Variants in PLXNA2 observed in about 807,000 individuals in gnomAD.
PLXNA2 encodes the protein plexin-A2.
In PLXNA2, 91 loss-of-function variants were observed where a neutral mutation model predicts 193.5. The observed-to-expected ratio is 0.47, with a 90% confidence interval of 0.40 to 0.56. The LOEUF (loss-of-function observed/expected upper bound fraction) is 0.56. PLXNA2 is among the 20% of genes least tolerant of loss of function. The probability of loss-of-function intolerance (pLI) is 0.00; values close to 1 mark genes in which losing one functional copy is unlikely to be tolerated. For synonymous variants in PLXNA2, 997 were observed against 1,027.3 expected (o/e 0.97, Z 0.56); for missense variants, 1,995 against 2,503.2 (o/e 0.80, Z 4.33).
Position 208,192,049 on chromosome 1 carries a change from A to C in PLXNA2, c.1371+18231T>G, listed in dbSNP as rs555679497. On this transcript the variant is annotated intron_variant, in intron 3 of 31. Coordinates refer to ENST00000367033, the MANE Select transcript of PLXNA2 (RefSeq NM_025179.4). ...GATGGGACTCCTACCTTCTGGCCTG[A>C]TTTGGTTCTCTCAATATTGATTTGG... Among the ~76,000 whole-genome samples, 18 of 152,138 alleles carry C rather than the reference A, an allele frequency of 1.2e-4. No homozygotes were observed. In the East Asian group the frequency reaches 3.5e-3, roughly 29 times the overall value.
intron 3 of PLXNA2, among the ~76,000 whole-genome samples, chr1:208,179,535 G>C (rs1669771183): frequency 6.6e-6 from 1 of 152,058 alleles, no homozygotes; most frequent in South Asian, 2.1e-4. Flanking sequence ...TCCCCCACCA[G>C]ACCAACCCTT....
chr1:208,089,961 G>A (rs146224553), intron 9 of PLXNA2, among the ~76,000 whole-genome samples: 1 of 152,270 alleles, frequency 6.6e-6, no homozygotes, highest in African/African-American at 2.4e-5. Flanking sequence ...AATTTTCAGG[G>A]ATGGGGTTCT....
At chr1:208,046,832 GTGTGTGTGTGTA>G (rs1157700770) in intron 17 of PLXNA2, among the ~76,000 whole-genome samples, 3 of 140,466 alleles carry the variant, frequency 2.1e-5, no homozygotes, top group African/African-American at 5.2e-5. Flanking sequence ...GTGTGTGTGT[GTGTGTGTGTGTA>G]GAGTGTGGAG....
At chr1:208,063,365 G>A (rs914516432) in intron 12 of PLXNA2, among the ~76,000 whole-genome samples, 1 of 152,232 alleles carries the variant, frequency 6.6e-6, no homozygotes, top group Non-Finnish European at 1.5e-5. Context: ...CAGACACATG[G>A]TCGTGGGCAC....
At chr1:208,156,093 GA>G (rs1244282401) in intron 3 of PLXNA2, among the ~76,000 whole-genome samples, 1 of 74,356 alleles carries the variant, frequency 1.3e-5, no homozygotes, top group African/African-American at 4.5e-5. Flanking sequence ...CCTAAGTGGG[GA>G]AAGCAGGGTG....
At chr1:208,032,869 A>T (rs537050673) in intron 28 of PLXNA2, among the ~76,000 whole-genome samples, 26 of 152,288 alleles carry the variant, frequency 1.7e-4, no homozygotes, top group African/African-American at 6.0e-4. Context: ...CCTAAAGCTT[A>T]AGGGGTCCAG....
chr1:208,152,942 T>A (rs764829259), intron 3 of PLXNA2, among the ~76,000 whole-genome samples: 6 of 151,964 alleles, frequency 3.9e-5, no homozygotes, highest in Non-Finnish European at 7.4e-5. Flanking sequence ...CAATCTTTCC[T>A]TGGAACTCCC....
intron 3 of PLXNA2, among the ~76,000 whole-genome samples, chr1:208,196,218 G>T (rs541574689): frequency 6.6e-6 from 1 of 152,156 alleles, no homozygotes; most frequent in South Asian, 2.1e-4. Flanking sequence ...CACCCAACAG[G>T]AATCCCATCC....
In PLXNA2 at chr1:208,194,332, G is replaced by A. The variant is rs368630010; in HGVS notation, c.1371+15948C>T. Among the ~76,000 whole-genome samples the A allele has an allele frequency of 3.9e-5, 6 of 152,062 alleles. No individual in the cohort carries two copies. The East Asian group carries it at 7.7e-4, about 20-fold the overall frequency. On this transcript the variant is annotated intron_variant, in intron 3 of 31. Transcript: ENST00000367033. ...TGAACAATCACTACCTAGAGTCACC[G>A]GAGTGCTCCATGCAGCCCACCCGAT...
chr1:208,165,976 T>C (rs1431072767), intron 3 of PLXNA2, among the ~76,000 whole-genome samples: 1 of 152,144 alleles, frequency 6.6e-6, no homozygotes, highest in Non-Finnish European at 1.5e-5. Flanking sequence ...GGCTCTTTCT[T>C]CCATACCGAT....
At chr1:208,035,636 G>A (rs1242163166) in intron 26 of PLXNA2, among the ~76,000 whole-genome samples, 1 of 152,066 alleles carries the variant, frequency 6.6e-6, no homozygotes, top group Non-Finnish European at 1.5e-5. Flanking sequence ...AACCCCTAAC[G>A]CAGAGGGAAT....
intron 4 of PLXNA2, among the ~76,000 whole-genome samples, chr1:208,109,888 G>T (rs1667407669): frequency 6.6e-6 from 1 of 152,254 alleles, no homozygotes; most frequent in Non-Finnish European, 1.5e-5. Flanking sequence ...GCACCCTACA[G>T]CTCCTAGTAC....
chr1:208,110,593 T>C (rs1243810795), intron 4 of PLXNA2, among the ~76,000 whole-genome samples: 2 of 152,252 alleles, frequency 1.3e-5, no homozygotes, highest in African/African-American at 4.8e-5. Context: ...TTACCTCATT[T>C]AATCCTTACA....
chr1:208,183,523 G>A (rs779725524), intron 3 of PLXNA2, among the ~76,000 whole-genome samples: 4 of 149,912 alleles, frequency 2.7e-5, no homozygotes, highest in Admixed American at 6.7e-5. Context: ...CCAGATGTCC[G>A]CAGTTGCAGC....
intron 1 of PLXNA2, among the ~76,000 whole-genome samples, chr1:208,238,740 A>T (rs189598438): frequency 2.6e-5 from 4 of 152,346 alleles, no homozygotes; most frequent in Non-Finnish European, 5.9e-5. Context: ...TTTAAAAAAA[A>T]GTCTCCTCAG....
At chr1:208,196,948 G>T (rs1458342651) in intron 3 of PLXNA2, among the ~76,000 whole-genome samples, 1 of 152,148 alleles carries the variant, frequency 6.6e-6, no homozygotes, top group Non-Finnish European at 1.5e-5. Context: ...ATCTTATTAG[G>T]TGTACTAGAC....
chr1:208,146,258 CTA>C (rs1668597470), intron 3 of PLXNA2, among the ~76,000 whole-genome samples: 1 of 152,210 alleles, frequency 6.6e-6, no homozygotes. Context: ...TGATTTCTGC[CTA>C]ATGGCACACT....
intron 11 of PLXNA2, 83 bp from the exon 12 acceptor site, chr1:208,079,533 G>T: frequency 2.0e-6 from 2 of 1,023,950 alleles, no homozygotes; most frequent in South Asian, 1.6e-5. Flanking sequence ...TGATAGAAAT[G>T]ATAGAAACTC....
rs1394920852 is a variant in PLXNA2 at position 208,082,551 on chromosome 1, T to C, written c.2299-43A>G. 1 of 1,413,054 alleles carries C rather than the reference T, an allele frequency of 7.1e-7. No homozygotes were observed. Among genetic ancestry groups the C allele is most frequent in the South Asian group, 1.2e-5 (1 of 86,280 alleles). 87.5% of individuals were successfully genotyped at this position (1,413,054 alleles called of 1,614,324 possible). A position where few individuals can be genotyped will look rare whatever the true frequency, so the allele number is the denominator to read the frequency against. On this transcript the variant is annotated intron_variant, in intron 10 of 31. Transcript: ENST00000367033. The surrounding 1 kb of genome is among the most constrained non-coding windows in gnomAD (Gnocchi z 4.2). ...GAGGCATGGGGCTCATGTGGCTCTC[T>C]ATCACAGGGGTCAGGGATGCAGACA...
Sources: gnomAD v4.1 joint callset for allele counts (sites outside exome capture counted in the v4.1 genomes callset) on GRCh38, gnomAD v4.1.1 for gene constraint, Gnocchi (gnomAD v3.1) non-coding constraint, MANE v1.5 for transcripts, NCBI Gene and HGNC (gene_info 2026-07-23, HGNC 2026-07-21) for gene names.